Variants in PRKCI observed in about 807,000 individuals in gnomAD.
PRKCI encodes protein kinase C iota type.
Under a neutral mutation model 84.0 loss-of-function variants are expected in PRKCI, and 43 were observed. That is an observed-to-expected ratio of 0.51 (90% CI 0.40 to 0.66). The LOEUF is 0.66. Ranked by LOEUF, PRKCI falls within the 30% of genes least tolerant of loss-of-function variation. The pLI is 0.00. For synonymous variants in PRKCI, 216 were observed against 234.4 expected (o/e 0.92, Z 0.72); for missense variants, 459 against 745.6 (o/e 0.62, Z 4.48).
In PRKCI at chr3:170,227,502, A is replaced by T. The variant is rs1732662325; in HGVS notation, c.101+4732A>T. Among the ~76,000 whole-genome samples, 4 of 152,210 alleles carry T rather than the reference A, an allele frequency of 2.6e-5. No individual in the cohort carries two copies. The South Asian group carries it at 8.3e-4, about 31-fold the overall frequency. ...TTTGGGGTGATGGAAGCCTTCCTAG[A>T]GGAAATGTCTGAGGCTTTTAAAGGA... On this transcript the variant is annotated intron_variant, in intron 1 of 17. Transcript: ENST00000295797.
intron 1 of PRKCI, among the ~76,000 whole-genome samples, chr3:170,226,359 T>C (rs1732628108): frequency 6.6e-6 from 1 of 152,218 alleles, no homozygotes; most frequent in South Asian, 2.1e-4. Context: ...CTTCAGTTAT[T>C]ACCTAGTGCT....
chr3:170,249,018 T>C (rs551875218), intron 2 of PRKCI, among the ~76,000 whole-genome samples: 4 of 152,176 alleles, frequency 2.6e-5, no homozygotes, highest in African/African-American at 7.2e-5. Flanking sequence ...TGGCTAATTT[T>C]TTTGTATTTT....
intron 2 of PRKCI, among the ~76,000 whole-genome samples, 158 bp from the exon 3 acceptor site, chr3:170,259,808 AAAT>A (rs1481739016): frequency 6.6e-6 from 1 of 152,024 alleles, no homozygotes; most frequent in East Asian, 1.9e-4. Context: ...CTCTGTCTCC[AAAT>A]AATAATAATA....
intron 2 of PRKCI, among the ~76,000 whole-genome samples, chr3:170,243,406 A>AATC (rs1478367734): frequency 2.0e-5 from 3 of 152,164 alleles, no homozygotes; most frequent in Non-Finnish European, 4.4e-5. Context: ...ACAATTCATT[A>AATC]ATCTGTTGAA....
chr3:170,258,553 C>T (rs547343600), intron 2 of PRKCI, among the ~76,000 whole-genome samples: 12 of 152,166 alleles, frequency 7.9e-5, no homozygotes, highest in African/African-American at 1.7e-4. Context: ...CCGCCTGCCT[C>T]GGCCTCGCAA....
At chr3:170,258,270 A>G (rs909535009) in intron 2 of PRKCI, among the ~76,000 whole-genome samples, 1 of 150,560 alleles carries the variant, frequency 6.6e-6, no homozygotes, top group Non-Finnish European at 1.5e-5. Flanking sequence ...AGAGTGAAGG[A>G]CTCACTTTCA....
At chr3:170,270,781 T>C (rs1356481015) in intron 6 of PRKCI, among the ~76,000 whole-genome samples, 2 of 152,116 alleles carry the variant, frequency 1.3e-5, no homozygotes, top group Admixed American at 6.6e-5. Context: ...AGTTAACTTC[T>C]TTACCTGCTG....
chr3:170,280,882 G>A (rs1734226037), intron 9 of PRKCI, among the ~76,000 whole-genome samples: 1 of 150,764 alleles, frequency 6.6e-6, no homozygotes, highest in Admixed American at 6.6e-5. Context: ...GATATTTAAA[G>A]TAATTTGATT....
chr3:170,305,352 T>G lies in PRKCI; in HGVS notation c.*2225T>G, dbSNP rs552129830. 1.5e-4 allele frequency: 23 copies of G among 152,742 alleles called. No homozygotes were observed. The highest frequency in any genetic ancestry group is 1.4e-3 in the Admixed American group (22 of 15,298). The allele number at this position is 152,742 out of a possible 1,614,324, so 9.5% of individuals were successfully genotyped here. On this transcript the variant is annotated 3_prime_UTR_variant, in exon 18 of 18. Coordinates refer to ENST00000295797, the MANE Select transcript of PRKCI (RefSeq NM_002740.6). ...TGTCCTGTGGTTAAATATTAGAGTA[T>G]TCATGATAAAACATTTTGAGAAGGG...
chr3:170,298,657 T>G (rs113104176), intron 16 of PRKCI, among the ~76,000 whole-genome samples: 90 of 152,086 alleles, frequency 5.9e-4, no homozygotes, highest in Non-Finnish European at 1.3e-3. Context: ...CTGCGCACCT[T>G]GGCCTCCCAA....
intron 16 of PRKCI, 91 bp downstream of exon 16, chr3:170,297,484 T>A: frequency 1.6e-5 from 17 of 1,048,300 alleles, no homozygotes; most frequent in East Asian, 2.6e-5. Context: ...AGACAGAGTC[T>A]TGCTCTGTCA....
chr3:170,228,675 G>T (rs970249453), intron 1 of PRKCI, among the ~76,000 whole-genome samples: 1 of 151,408 alleles, frequency 6.6e-6, no homozygotes, highest in African/African-American at 2.4e-5. Flanking sequence ...TTCCCCTGTA[G>T]TCTCTCACTC....
chr3:170,222,999 G>C (rs1169236016), intron 1 of PRKCI, among the ~76,000 whole-genome samples: 3 of 152,148 alleles, frequency 2.0e-5, no homozygotes, highest in African/African-American at 7.2e-5. Context: ...CGAGGGGCCA[G>C]AGTAGGGTCC....
In PRKCI at chr3:170,257,901, C is replaced by T. The variant is rs917388370; in HGVS notation, c.224-2068C>T. ...CTGGTCTCAAACTCCTGACCTCAGG[C>T]GATCCACCCACCTTGGCCTCCCAAA... On this transcript the variant is annotated intron_variant, in intron 2 of 17. Coordinates refer to ENST00000295797, the MANE Select transcript of PRKCI (RefSeq NM_002740.6). 5.9e-5 allele frequency among the ~76,000 whole-genome samples: 9 copies of T among 151,972 alleles called. No individual in the cohort carries two copies. In the East Asian group the frequency reaches 9.7e-4, roughly 16 times the overall value.
chr3:170,257,068 T>G (rs1733601440), intron 2 of PRKCI, among the ~76,000 whole-genome samples: 1 of 152,212 alleles, frequency 6.6e-6, no homozygotes, highest in Admixed American at 6.5e-5. Context: ...TAACAATATT[T>G]GGATTATACT....
At chr3:170,301,163 T>C (rs890824448) in intron 17 of PRKCI, among the ~76,000 whole-genome samples, 3 of 152,206 alleles carry the variant, frequency 2.0e-5, no homozygotes, top group African/African-American at 4.8e-5. Context: ...AGGAGAAAGA[T>C]GTGTACCAAG....
chr3:170,252,069 C>G (rs1733463838), intron 2 of PRKCI, among the ~76,000 whole-genome samples: 1 of 151,960 alleles, frequency 6.6e-6, no homozygotes, highest in South Asian at 2.1e-4. Flanking sequence ...CAAAAATTAG[C>G]CAGGCGTGGC....
At chr3:170,238,063 T>TA (rs1027486265) in intron 2 of PRKCI, among the ~76,000 whole-genome samples, 9 of 151,294 alleles carry the variant, frequency 5.9e-5, no homozygotes, top group African/African-American at 1.9e-4. Context: ...TCCATGGCCT[T>TA]AAAAAAAAAT....
At chr3:170,236,187 C>T (rs535716506) in intron 2 of PRKCI, among the ~76,000 whole-genome samples, 10 of 151,878 alleles carry the variant, frequency 6.6e-5, no homozygotes, top group East Asian at 3.9e-4. Context: ...CTGTAACCTC[C>T]GCCTCCAAGG....
Sources: allele counts gnomAD v4.1 joint callset (sites outside exome capture counted in the v4.1 genomes callset), GRCh38; gene constraint gnomAD v4.1.1; transcripts MANE v1.5; gene names NCBI Gene and HGNC (gene_info 2026-07-23, HGNC 2026-07-21).